The following ANKS1B variants were observed in gnomAD, a reference collection of about 807,000 sequenced individuals.
ANKS1B encodes the protein ankyrin repeat and sterile alpha motif domain-containing protein 1B.
In ANKS1B, 36 loss-of-function variants were observed where a neutral mutation model predicts 148.3. The observed-to-expected ratio is 0.24, with a 90% confidence interval of 0.19 to 0.32. The LOEUF (loss-of-function observed/expected upper bound fraction) is 0.32, where lower values mean the gene tolerates loss of function less well. ANKS1B is among the 10% of genes least tolerant of loss of function. The pLI is 1.00. For synonymous variants in ANKS1B, 542 were observed against 560.8 expected, an observed-to-expected ratio of 0.97 and a Z score of 0.47; for missense variants, 1,157 against 1,542.6, an observed-to-expected ratio of 0.75 and a Z score of 4.19.
chr12:99,262,335 G>A (rs1019015202), intron 12 of ANKS1B, among the ~76,000 whole-genome samples: 7 of 151,950 alleles, frequency 4.6e-5, no homozygotes, highest in South Asian at 4.1e-4. Flanking sequence ...TAGAACAAAG[G>A]CTGGAACATA....
intron 9 of ANKS1B, among the ~76,000 whole-genome samples, chr12:99,527,744 T>C (rs924535572): frequency 1.3e-5 from 2 of 152,274 alleles, no homozygotes; most frequent in Admixed American, 6.5e-5. Context: ...AGAATAGTAA[T>C]AGTATCTGCT....
intron 17 of ANKS1B, among the ~76,000 whole-genome samples, chr12:98,927,687 C>T (rs891203758): frequency 5.3e-5 from 8 of 151,278 alleles, no homozygotes; most frequent in Middle Eastern, 6.8e-3. Flanking sequence ...ATATAATTGA[C>T]GGTAAATTGG....
intron 12 of ANKS1B, among the ~76,000 whole-genome samples, chr12:99,347,371 C>T (rs1484554352): frequency 6.6e-6 from 1 of 151,980 alleles, no homozygotes; most frequent in African/African-American, 2.4e-5. Flanking sequence ...CACACACATG[C>T]GCAGAACAGG....
At chr12:98,836,067 T>C (rs2099361082) in intron 17 of ANKS1B, among the ~76,000 whole-genome samples, 1 of 152,154 alleles carries the variant, frequency 6.6e-6, no homozygotes, top group African/African-American at 2.4e-5. Context: ...TGCTAAGAGG[T>C]ACATGGCTAG....
intron 1 of ANKS1B, among the ~76,000 whole-genome samples, chr12:99,955,492 CAAAAAAAAAAAAAAAAAAAAAAAA>C (rs61654867): frequency 2.6e-5 from 1 of 38,094 alleles, no homozygotes; most frequent in East Asian, 2.5e-3. Context: ...AACTCCGTCT[CAAAAAAAAAAAAAAAAAAAAAAAA>C]AAAAAAAAAA....
chr12:99,194,726 A>G (rs2081181080), intron 14 of ANKS1B, among the ~76,000 whole-genome samples: 2 of 152,286 alleles, frequency 1.3e-5, no homozygotes, highest in South Asian at 4.1e-4. Context: ...TTGATATTCC[A>G]TTAGGTACTG....
At chr12:98,855,847 T>C (rs942445900) in intron 17 of ANKS1B, among the ~76,000 whole-genome samples, 6 of 152,208 alleles carry the variant, frequency 3.9e-5, no homozygotes, top group Non-Finnish European at 7.3e-5. Context: ...GGCATTGTCA[T>C]ACAAACTTTG....
At chr12:99,291,470 T>A (rs2079968407) in intron 12 of ANKS1B, among the ~76,000 whole-genome samples, 1 of 152,106 alleles carries the variant, frequency 6.6e-6, no homozygotes, top group Non-Finnish European at 1.5e-5. Flanking sequence ...ACTGGAGGAA[T>A]CACATTACCA....
intron 9 of ANKS1B, among the ~76,000 whole-genome samples, chr12:99,632,606 G>A (rs1045849615): frequency 1.3e-5 from 2 of 151,042 alleles, no homozygotes; most frequent in Non-Finnish European, 3.0e-5. Context: ...TGTGCAGAAT[G>A]CTAGTCATGG....
intron 22 of ANKS1B, among the ~76,000 whole-genome samples, chr12:98,783,882 C>T (rs917115741): frequency 1.3e-5 from 2 of 152,078 alleles, no homozygotes; most frequent in East Asian, 1.9e-4. Context: ...ACTGGAAGAG[C>T]TAGAGGCTGG....
At chr12:98,877,704 A>G (rs1246675028) in intron 17 of ANKS1B, among the ~76,000 whole-genome samples, 1 of 152,226 alleles carries the variant, frequency 6.6e-6, no homozygotes, top group Non-Finnish European at 1.5e-5. Flanking sequence ...TATGAACAGG[A>G]AAGTATACTT....
At chr12:99,822,958 T>C (rs2082690001) in intron 2 of ANKS1B, among the ~76,000 whole-genome samples, 1 of 152,104 alleles carries the variant, frequency 6.6e-6, no homozygotes, top group Non-Finnish European at 1.5e-5. Context: ...ACATTTGTCA[T>C]TTTTTGACTT....
intron 12 of ANKS1B, among the ~76,000 whole-genome samples, chr12:99,344,158 C>T (rs1226941836): frequency 3.9e-5 from 6 of 151,990 alleles, no homozygotes; most frequent in Non-Finnish European, 4.4e-5. Context: ...CACCATTCCC[C>T]TGCTGTGAAC....
rs560515400 is a variant in ANKS1B, at chr12:99,399,747, T to C, written c.1640A>G (p.Tyr547Cys). 1 of 1,613,440 alleles carries C rather than the reference T, an allele frequency of 6.2e-7. No individual in the cohort carries two copies. The highest frequency in any genetic ancestry group is 8.5e-7 in the Non-Finnish European group (1 of 1,179,518). Residue 547 changes from tyrosine (Y) to cysteine (C), a missense_variant, in exon 12 of 27, where the codon TAT (tyrosine) becomes TGT (cysteine). Physicochemically the swap from Tyr to Cys is radical, Grantham distance 194. Coordinates refer to ENST00000683438, the MANE Select transcript of ANKS1B (RefSeq NM_001352186.2). ...DFHRMNHNQE[Y>C]FEINTSTGCT... Reference sequence around the variant, plus strand: ...CCCTGTAGATGTGTTGATTTCAAAATATTCTTGGTTGTGATTCATTCGGTG... The same window carrying C: ...CCCTGTAGATGTGTTGATTTCAAAACATTCTTGGTTGTGATTCATTCGGTG...
intron 10 of ANKS1B, among the ~76,000 whole-genome samples, chr12:99,463,811 C>A (rs1406614402): frequency 6.6e-6 from 1 of 152,242 alleles, no homozygotes; most frequent in Non-Finnish European, 1.5e-5. Flanking sequence ...GTGGAGCCCA[C>A]CACAGCTCAA....
chr12:99,744,360 G>C (rs1025456477), intron 8 of ANKS1B, among the ~76,000 whole-genome samples: 3 of 152,150 alleles, frequency 2.0e-5, no homozygotes, highest in South Asian at 2.1e-4. Context: ...ATCAACAGAA[G>C]TTTCTTATTT....
Position 99,053,170 on chromosome 12 carries a change from A to G in ANKS1B, c.2765T>C (p.Val922Ala), listed in dbSNP as rs778784075. 3.1e-6 allele frequency: 5 copies of G among 1,608,334 alleles called. No homozygotes were observed. The South Asian group carries it at 3.3e-5, about 11-fold the overall frequency. The change falls in exon 17 of 27, where the codon GTT (valine) becomes GCT (alanine). Residue 922 changes from valine (V) to alanine (A), a missense_variant. Physicochemically the swap from Val to Ala is moderately conservative, Grantham distance 64. This residue lies in a region of ANKS1B where 258 missense variants were observed against 497.0 expected (regional missense o/e 0.52). Transcript: ENST00000683438. ...AGACCAACTTACATTAATAAGTTCAACCTCCCAGATTTTTTTCAACAGGTC... is the reference window on the plus strand; with the variant it reads ...AGACCAACTTACATTAATAAGTTCAGCCTCCCAGATTTTTTTCAACAGGTC... ...SMDLLKKIWE[V>A]ELINVLKINL...
chr12:99,276,342 T>C (rs1025455144), intron 12 of ANKS1B, among the ~76,000 whole-genome samples: 12 of 152,260 alleles, frequency 7.9e-5, no homozygotes, highest in African/African-American at 2.6e-4. Context: ...ATAGGCCCTT[T>C]AAAGTGATGT....
chr12:98,988,684 T>G (rs112426974), intron 17 of ANKS1B, among the ~76,000 whole-genome samples: 24 of 152,302 alleles, frequency 1.6e-4, no homozygotes, highest in African/African-American at 5.5e-4. Flanking sequence ...CTCCATACTG[T>G]TTTCCATGGC....
Sources: gnomAD v4.1 joint callset for allele counts (sites outside exome capture counted in the v4.1 genomes callset) on GRCh38, gnomAD v4.1.1 for gene constraint, gnomAD v4.1.1 regional missense constraint, MANE v1.5 for transcripts, NCBI Gene and HGNC (gene_info 2026-07-23, HGNC 2026-07-21) for gene names.